LRP5: variants seen among roughly 807,000 people sequenced by gnomAD.
LRP5 encodes low-density lipoprotein receptor-related protein 5.
A neutral mutation model predicts 154.1 loss-of-function variants in LRP5; 62 were observed. That is an observed-to-expected ratio of 0.40 (90% CI 0.33 to 0.50). LRP5 has a LOEUF of 0.50. Ranked by LOEUF, LRP5 falls within the 20% of genes least tolerant of loss-of-function variation. The pLI, the probability that LRP5 is intolerant of heterozygous loss-of-function variation, is 0.55. For synonymous variants in LRP5, 966 were observed against 1,011.5 expected (o/e 0.96, Z 0.85); for missense variants, 1,915 against 2,336.7 (o/e 0.82, Z 3.72).
chr11:68,299,328 G>A, the LRP5 span, among the ~76,000 whole-genome samples: 2 of 152,182 alleles, frequency 1.3e-5, no homozygotes, highest in South Asian at 4.1e-4. Flanking sequence ...CTCAGGGGGA[G>A]GCTGGAGGTG....
At chr11:68,415,321 G>T (rs956740853) in intron 12 of LRP5, among the ~76,000 whole-genome samples, 1 of 152,144 alleles carries the variant, frequency 6.6e-6, no homozygotes, top group Non-Finnish European at 1.5e-5. Context: ...CCGGTTTTCC[G>T]CAGTTCACTG....
At chr11:68,325,630 G>A (rs910790073) in intron 1 of LRP5, among the ~76,000 whole-genome samples, 11 of 152,216 alleles carry the variant, frequency 7.2e-5, no homozygotes, top group Non-Finnish European at 1.2e-4. Context: ...TCACTGAGGG[G>A]GCAGTAGCGA....
intron 1 of LRP5, among the ~76,000 whole-genome samples, chr11:68,322,536 T>C (rs1403135414): frequency 3.3e-5 from 5 of 152,276 alleles, no homozygotes; most frequent in Admixed American, 2.6e-4. Context: ...GCCCATCTTC[T>C]GCCCCTGGTG....
chr11:68,409,865 A>T, intron 9 of LRP5, 49 bp from the exon 10 acceptor site: 5 of 1,380,170 alleles, frequency 3.6e-6, no homozygotes, highest in Non-Finnish European at 5.1e-6. Flanking sequence ...AAAAAAAAAA[A>T]GATGCTGGTT....
At chr11:68,389,475 C>T (rs1367840845) in intron 6 of LRP5, among the ~76,000 whole-genome samples, 1 of 152,216 alleles carries the variant, frequency 6.6e-6, no homozygotes, top group African/African-American at 2.4e-5. Context: ...CATCTACTGA[C>T]ACCAACATTT....
chr11:68,317,166 G>C (rs2153112429), intron 1 of LRP5, among the ~76,000 whole-genome samples: 1 of 152,332 alleles, frequency 6.6e-6, no homozygotes, highest in Non-Finnish European at 1.5e-5. Flanking sequence ...CCACCGGCTG[G>C]CTCCGGCTGC....
At chr11:68,403,830 T>C in intron 8 of LRP5, 131 bp downstream of exon 8, 1 of 1,059,984 alleles carries the variant, frequency 9.4e-7, no homozygotes, top group Non-Finnish European at 1.4e-6. Flanking sequence ...ACAGGAAAGG[T>C]GACAGTATCT....
At chr11:68,395,935 C>A (rs2098649081) in intron 7 of LRP5, among the ~76,000 whole-genome samples, 1 of 152,140 alleles carries the variant, frequency 6.6e-6, no homozygotes, top group Non-Finnish European at 1.5e-5. Context: ...CAGGAGCAAA[C>A]CCTCCTGGCA....
chr11:68,300,683 G>A, the LRP5 span, among the ~76,000 whole-genome samples: 4 of 149,294 alleles, frequency 2.7e-5, no homozygotes, highest in African/African-American at 4.9e-5. Flanking sequence ...GGGGGACCTC[G>A]CCCTTGGTGG....
chr11:68,429,801 G>A, intron 17 of LRP5, 101 bp downstream of exon 17: 1 of 1,498,966 alleles, frequency 6.7e-7, no homozygotes. Flanking sequence ...CAGTCCCTGT[G>A]GCATCCAGTT....
In LRP5 at chr11:68,447,293, T is replaced by G. The variant is rs907619009; in HGVS notation, c.4586+760T>G. On this transcript the variant is annotated intron_variant, in intron 22 of 22. Coordinates refer to ENST00000294304, the MANE Select transcript of LRP5 (RefSeq NM_002335.4). This position sits in a 1 kb window ranked among gnomAD's most constrained non-coding sequence, Gnocchi z 4.3. ...GGCCCCACCCCCGCAGGTGAAGGGG[T>G]GGGATAGGCTGGGCCTGGGCCAGGA... The G allele has an allele frequency of 6.5e-6, 1 of 153,786 alleles. No homozygotes were observed. Among genetic ancestry groups the G allele is most frequent in the East Asian group, 1.9e-4 (1 of 5,174 alleles). 9.5% of individuals were successfully genotyped at this position (153,786 alleles called of 1,614,324 possible).
intron 3 of LRP5, among the ~76,000 whole-genome samples, chr11:68,360,976 G>T (rs1238762880): frequency 0.06 from 4,139 of 69,112 alleles, no homozygotes; most frequent in Middle Eastern, 0.28. Context: ...CAGCCTGGGC[G>T]ACAGAGCAAG....
intron 1 of LRP5, among the ~76,000 whole-genome samples, chr11:68,345,813 A>G (rs1193104792): frequency 6.6e-6 from 1 of 152,244 alleles, no homozygotes; most frequent in African/African-American, 2.4e-5. Context: ...CAGTTGCTCC[A>G]GATCCTCACC....
chr11:68,360,996 CAAAAAAAA>C (rs71043425), intron 3 of LRP5, among the ~76,000 whole-genome samples: 3 of 15,758 alleles, frequency 1.9e-4, no homozygotes, highest in African/African-American at 2.9e-4. Flanking sequence ...GACTCTATCT[CAAAAAAAA>C]AAAAAAAAAA....
Position 68,433,677 on chromosome 11 carries a change from G to A in LRP5, c.3839G>A (p.Cys1280Tyr). ...EIDCIPGAWR[C>Y]DGFPECDDQS... Reference sequence around the variant, plus strand: ...GACTGTATCCCCGGGGCCTGGCGCTGTGACGGCTTTCCCGAGTGCGATGAC... The same window carrying A: ...GACTGTATCCCCGGGGCCTGGCGCTATGACGGCTTTCCCGAGTGCGATGAC... The change falls in exon 18 of 23, where the codon TGT (cysteine) becomes TAT (tyrosine). Residue 1280 changes from cysteine to tyrosine, a missense_variant. Coordinates refer to ENST00000294304, the MANE Select transcript of LRP5 (RefSeq NM_002335.4). 6.2e-7 allele frequency: 1 copy of A among 1,613,420 alleles called. No homozygotes were observed. Among genetic ancestry groups the A allele is most frequent in the Non-Finnish European group, 8.5e-7 (1 of 1,179,992 alleles).
chr11:68,386,188 T>C lies in LRP5; in HGVS notation c.1016-128T>C. The C allele has an allele frequency of 8.7e-7, 1 of 1,153,950 alleles. No individual in the cohort carries two copies. Among genetic ancestry groups the C allele is most frequent in the Non-Finnish European group, 1.3e-6 (1 of 787,004 alleles). The allele number at this position is 1,153,950 out of a possible 1,614,324, so 71.5% of individuals were successfully genotyped here. A position where few individuals can be genotyped will look rare whatever the true frequency, so the allele number is the denominator to read the frequency against. On this transcript the variant is annotated intron_variant, in intron 5 of 22. Transcript: ENST00000294304. This position sits in a 1 kb window ranked among gnomAD's most constrained non-coding sequence, Gnocchi z 7.9. ...TGGGCTGGGTGCGTGTCACCTAACA[T>C]CACCAGCCTTTGCAAGGAGAGCCCT...
chr11:68,403,491 T>C lies in LRP5; in HGVS notation c.1593T>C (p.Asn531=), dbSNP rs748487092. Residue 531 remains asparagine (N), a synonymous_variant, in exon 8 of 23, where the codon AAT becomes AAC. Coordinates refer to ENST00000294304, the MANE Select transcript of LRP5 (RefSeq NM_002335.4). ...DAKTDKIEVI[N]VDGTKRRTLL... is the part of the protein sequence containing the mutation. ...TTTCTGCCGTCCTGCAGGTGATCAA[T>C]GTTGATGGGACGAAGAGGCGGACCC... The C allele has an allele frequency of 1.2e-6, 2 of 1,613,980 alleles. No homozygotes were observed. The highest frequency in any genetic ancestry group is 8.5e-7 in the Non-Finnish European group (1 of 1,179,976).
At chr11:68,405,015 C>T (rs2098654788) in intron 8 of LRP5, among the ~76,000 whole-genome samples, 1 of 150,368 alleles carries the variant, frequency 6.7e-6, no homozygotes, top group African/African-American at 2.4e-5. Flanking sequence ...AAAAATTAGT[C>T]TGGGTGTGGT....
In LRP5 at chr11:68,401,692, ACAG is replaced by A. The variant is rs1235376632; in HGVS notation, c.1585-1789_1585-1787del. On this transcript the variant is annotated intron_variant, in intron 7 of 22. Transcript: ENST00000294304. ...TTCCAGTCCCCTTCCCGCTCTCCTAACAGCTTTTTTTTTTGAGACAAGATCTCA... is the reference window on the plus strand; with the variant it reads ...TTCCAGTCCCCTTCCCGCTCTCCTAACTTTTTTTTTTGAGACAAGATCTCA... Among the ~76,000 whole-genome samples the A allele has an allele frequency of 2.0e-5, 3 of 150,900 alleles. No homozygotes were observed. The East Asian group carries it at 5.8e-4, about 29-fold the overall frequency.
Sources: allele counts gnomAD v4.1 joint callset (sites outside exome capture counted in the v4.1 genomes callset), GRCh38; gene constraint gnomAD v4.1.1; non-coding constraint Gnocchi (gnomAD v3.1); transcripts MANE v1.5; gene names NCBI Gene and HGNC (gene_info 2026-07-23, HGNC 2026-07-21).